VPS13A: variants seen among roughly 807,000 people sequenced by gnomAD.
VPS13A encodes vacuolar protein sorting 13 homolog A, also known as intermembrane lipid transfer protein VPS13A.
VPS13A carries 264 observed loss-of-function variants against 390.9 expected under a neutral mutation model. That is an observed-to-expected ratio of 0.68 (90% CI 0.61 to 0.75). VPS13A has a LOEUF of 0.75. Among genes scored for constraint, VPS13A ranks in the 30% least tolerant of loss-of-function variants. The pLI is 0.00. For synonymous variants in VPS13A, 1,231 were observed against 1,227.1 expected, an observed-to-expected ratio of 1.00 and a Z score of -0.07; for missense variants, 3,409 against 3,733.9, an observed-to-expected ratio of 0.91 and a Z score of 2.27.
chr9:77,337,376 T>A lies in VPS13A; in HGVS notation c.6217T>A (p.Ser2073Thr), dbSNP rs1171377164. The change falls in exon 47 of 72, where the codon TCT becomes ACT. Residue 2073 changes from serine (S) to threonine (T), a missense_variant. Transcript: ENST00000360280. ...LKKKCRSKNP[S>T]KESFLINIVP... Reference sequence around the variant, plus strand: ...GAAGAAATGTAGATCTAAAAACCCTTCTAAGGAATCATTTCTCATTAATAT... The same window carrying A: ...GAAGAAATGTAGATCTAAAAACCCTACTAAGGAATCATTTCTCATTAATAT... 3 of 1,612,726 alleles carry A rather than the reference T, an allele frequency of 1.9e-6. No homozygotes were observed. The East Asian group carries it at 6.7e-5, about 36-fold the overall frequency.
chr9:77,274,387 C>G (rs1826519317), intron 24 of VPS13A, among the ~76,000 whole-genome samples: 1 of 145,390 alleles, frequency 6.9e-6, no homozygotes, highest in African/African-American at 2.6e-5. Flanking sequence ...GAGATCGTGC[C>G]ACTGTGCTCC....
At chr9:77,235,743 C>G (rs1034527202) in intron 17 of VPS13A, among the ~76,000 whole-genome samples, 1 of 152,132 alleles carries the variant, frequency 6.6e-6, no homozygotes, top group African/African-American at 2.4e-5. Flanking sequence ...TCTTTATGCT[C>G]CACAGACTCA....
chr9:77,219,533 G>A (rs1317161882), intron 10 of VPS13A, among the ~76,000 whole-genome samples: 2 of 152,030 alleles, frequency 1.3e-5, no homozygotes, highest in South Asian at 2.1e-4. Flanking sequence ...GAACACAGAT[G>A]GATCTAGAGA....
intron 54 of VPS13A, among the ~76,000 whole-genome samples, chr9:77,355,833 G>C (rs1587648610): frequency 6.6e-6 from 1 of 152,098 alleles, no homozygotes; most frequent in East Asian, 1.9e-4. Flanking sequence ...ACATAGATCT[G>C]ACCACTTTTC....
chr9:77,282,240 G>C lies in VPS13A; in HGVS notation c.3084G>C (p.Glu1028Asp). The change falls in exon 29 of 72, where the codon GAG (glutamate) becomes GAC (aspartate). Residue 1028 changes from glutamate (E) to aspartate (D), a missense_variant. Glu to Asp is a conservative substitution (Grantham distance 45, BLOSUM62 2). Around this residue, in one of 5 missense-constraint regions of VPS13A, gnomAD observed 2,717 missense variants for 2,917.4 expected, o/e 0.93. Transcript: ENST00000360280. ...EEKSAPVSTTETEDKGDVIKK... is the reference protein window; with the variant it reads ...EEKSAPVSTTDTEDKGDVIKK... ...AATCAGCCCCAGTGTCCACTACAGA[G>C]ACTGAAGACAAAGGAGATGTCATTA... The C allele has an allele frequency of 6.2e-7, 1 of 1,612,766 alleles. No homozygotes were observed. The highest frequency in any genetic ancestry group is 8.5e-7 in the Non-Finnish European group (1 of 1,179,616).
chr9:77,319,792 G>A (rs538424285), intron 42 of VPS13A, 119 bp downstream of exon 42: 93 of 556,978 alleles, frequency 1.7e-4, no homozygotes, highest in Non-Finnish European at 2.3e-4. Context: ...GAGATTTCCC[G>A]TATACCACCT....
intron 23 of VPS13A, among the ~76,000 whole-genome samples, chr9:77,265,527 G>A (rs1315618769): frequency 1.3e-5 from 2 of 152,188 alleles, no homozygotes; most frequent in Non-Finnish European, 2.9e-5. Context: ...AGTCTTGAGA[G>A]GGTGTATGTG....
chr9:77,306,958 GGGCAGTGGCGCGATCTC>G (rs1285948497), intron 34 of VPS13A, among the ~76,000 whole-genome samples: 1 of 149,890 alleles, frequency 6.7e-6, no homozygotes, highest in African/African-American at 2.5e-5. Flanking sequence ...CCAGGCTGGA[GGGCAGTGGCGCGATCTC>G]GGCTCACTGC....
intron 58 of VPS13A, among the ~76,000 whole-genome samples, chr9:77,359,994 C>T (rs539753301): frequency 1.3e-5 from 2 of 152,032 alleles, no homozygotes; most frequent in Non-Finnish European, 2.9e-5. Context: ...TCTTCACTCA[C>T]TACCCATTCC....
At position 77,221,183 on chromosome 9, in the gene VPS13A, A is replaced by G; in HGVS notation, c.990-2A>G. The G allele has an allele frequency of 6.2e-7, 1 of 1,613,184 alleles. No individual in the cohort carries two copies. Among genetic ancestry groups the G allele is most frequent in the Non-Finnish European group, 8.5e-7 (1 of 1,179,384 alleles). The stretch of plus-strand genomic sequence containing the variant: ...GTTAAATGTTTTTCTTTTTTTAACT[A>G]GGTGGGCTTATGCTATACATGGCGT... On this transcript the variant is annotated splice_acceptor_variant, in intron 12 of 71. Coordinates refer to ENST00000360280, the MANE Select transcript of VPS13A (RefSeq NM_033305.3). LOFTEE classifies it high-confidence loss of function.
intron 17 of VPS13A, among the ~76,000 whole-genome samples, chr9:77,236,087 A>G (rs1013562351): frequency 6.6e-6 from 1 of 152,140 alleles, no homozygotes; most frequent in Non-Finnish European, 1.5e-5. Flanking sequence ...AGGCTAGGCT[A>G]TGATGCTTGG....
In VPS13A at chr9:77,233,122, A is replaced by G. The variant is rs187230842; in HGVS notation, c.1595+4858A>G. Among the ~76,000 whole-genome samples the G allele has an allele frequency of 2.3e-4, 35 of 151,958 alleles. 1 individual carries two copies. The East Asian group carries it at 4.8e-3, about 21-fold the overall frequency. On this transcript the variant is annotated intron_variant, in intron 17 of 71. Transcript: ENST00000360280. ...CTTCCTATTAGTTATCTGATTTTCT[A>G]TTTCTTCTCGAGGCAGTTTTTGTAA...
intron 7 of VPS13A, chr9:77,211,660 TAAGTTGAAAAATAAG>T (rs1825980488): frequency 6.6e-6 from 1 of 152,162 alleles, no homozygotes; most frequent in Admixed American, 6.5e-5. Flanking sequence ...ATACTCTCAT[TAAGTTGAAAAATAAG>T]AATGGAGAAT....
intron 5 of VPS13A, among the ~76,000 whole-genome samples, chr9:77,207,686 G>C (rs907477975): frequency 4.6e-5 from 7 of 152,156 alleles, no homozygotes; most frequent in Admixed American, 4.6e-4. Context: ...GTGGGAAAGG[G>C]ATGTTGCTTG....
intron 26 of VPS13A, among the ~76,000 whole-genome samples, chr9:77,278,237 A>ATTTTTTTTTTT (rs57545793): frequency 7.5e-4 from 87 of 115,360 alleles, no homozygotes; most frequent in East Asian, 1.6e-3. Flanking sequence ...CGCCCAGCTA[A>ATTTTTTTTTTT]TTTTTTTTTT....
chr9:77,252,314 G>A lies in VPS13A; in HGVS notation c.2250G>A (p.Leu750=). 1.9e-6 allele frequency: 3 copies of A among 1,613,974 alleles called. No individual in the cohort carries two copies. Among genetic ancestry groups the A allele is most frequent in the Non-Finnish European group, 2.5e-6 (3 of 1,179,910 alleles). Reference sequence around the variant, plus strand: ...TACCCATGCACTTCAATTTGGAACTGTCTAAGGCCATGGTTTTCATGGATG... The same window carrying A: ...TACCCATGCACTTCAATTTGGAACTATCTAAGGCCATGGTTTTCATGGATG... The part of the protein sequence containing the change: ...ILVPMHFNLE[L]SKAMVFMDVR... Residue 750 remains leucine, a synonymous_variant, in exon 22 of 72, where the codon CTG becomes CTA. Transcript: ENST00000360280.
At chr9:77,373,016 C>T (rs1229497756) in intron 67 of VPS13A, among the ~76,000 whole-genome samples, 1 of 152,144 alleles carries the variant, frequency 6.6e-6, no homozygotes, top group East Asian at 1.9e-4. Flanking sequence ...ACATTCCATG[C>T]TCATGGGTAG....
At chr9:77,378,485 T>C (rs1226283681) in intron 67 of VPS13A, among the ~76,000 whole-genome samples, 1 of 152,120 alleles carries the variant, frequency 6.6e-6, no homozygotes, top group Non-Finnish European at 1.5e-5. Context: ...TTTTCCCTTA[T>C]ATAGTATTTA....
At chr9:77,248,089 C>G (rs951185977) in intron 20 of VPS13A, among the ~76,000 whole-genome samples, 5 of 152,030 alleles carry the variant, frequency 3.3e-5, no homozygotes, top group Non-Finnish European at 7.4e-5. Context: ...CAATCAAATA[C>G]GTCTTCATCT....
Sources: allele counts gnomAD v4.1 joint callset (sites outside exome capture counted in the v4.1 genomes callset), GRCh38; gene constraint gnomAD v4.1.1; regional missense constraint gnomAD v4.1.1; transcripts MANE v1.5; gene names NCBI Gene and HGNC (gene_info 2026-07-23, HGNC 2026-07-21).